Variants in DIP2C observed in about 807,000 individuals in gnomAD.
DIP2C encodes DIP2 acetate--CoA ligase C (putative).
Under a neutral mutation model 192.4 loss-of-function variants are expected in DIP2C, and 33 were observed. The observed-to-expected ratio is 0.17, with a 90% CI of 0.13 to 0.23. The LOEUF (loss-of-function observed/expected upper bound fraction) is 0.23, where lower values mean the gene tolerates loss of function less well. Ranked by LOEUF, DIP2C falls within the 10% of genes least tolerant of loss-of-function variation. DIP2C has a pLI of 1.00. For missense variants in DIP2C, 1,537 were observed against 2,110.1 expected, an observed-to-expected ratio of 0.73 and a Z score of 5.32; for synonymous variants, 979 against 864.1, an observed-to-expected ratio of 1.13 and a Z score of -2.33.
chr10:311,955 C>A (rs1956585537), intron 31 of DIP2C, among the ~76,000 whole-genome samples: 1 of 152,090 alleles, frequency 6.6e-6, no homozygotes, highest in African/African-American at 2.4e-5. Context: ...GTTTCATTTG[C>A]TAAATCTGTT....
chr10:462,740 G>T (rs564036730), intron 3 of DIP2C, among the ~76,000 whole-genome samples: 1 of 152,116 alleles, frequency 6.6e-6, no homozygotes, highest in Admixed American at 6.5e-5. Context: ...ATGTCAGGCC[G>T]ATATCCCTGA....
rs1305368619 is a variant in DIP2C, at chr10:399,162, A to T, written c.1207T>A (p.Cys403Ser). The change falls in exon 10 of 37, where the codon TGC becomes AGC. Residue 403 changes from cysteine (C) to serine (S), a missense_variant. Physicochemically the swap from Cys to Ser is moderately radical, Grantham distance 112 (BLOSUM62 -1). Around this residue, in one of 4 missense-constraint regions of DIP2C, gnomAD observed 677 missense variants for 989.9 expected, o/e 0.68. Coordinates refer to ENST00000280886, the MANE Select transcript of DIP2C (RefSeq NM_014974.3). ...ACGGGGACCACCTCGGCCAGCAGGCAGCCGTAGAAAGCCGCCATGAAGGCA... is the reference window on the plus strand; with the variant it reads ...ACGGGGACCACCTCGGCCAGCAGGCTGCCGTAGAAAGCCGCCATGAAGGCA... ...PAAFMAAFYG[C>S]LLAEVVPVPI... The T allele has an allele frequency of 6.2e-7, 1 of 1,614,028 alleles. No homozygotes were observed. Among genetic ancestry groups the T allele is most frequent in the African/African-American group, 1.3e-5 (1 of 75,062 alleles).
At chr10:593,327 G>A (rs564731279) in intron 1 of DIP2C, among the ~76,000 whole-genome samples, 5 of 152,050 alleles carry the variant, frequency 3.3e-5, no homozygotes, top group African/African-American at 7.2e-5. Flanking sequence ...CTAAGTCCAC[G>A]TTTACCCCAG....
intron 3 of DIP2C, among the ~76,000 whole-genome samples, chr10:447,009 G>T (rs1241117629): frequency 1.3e-5 from 2 of 152,154 alleles, no homozygotes; most frequent in Admixed American, 6.6e-5. Flanking sequence ...AAAAGCTTCG[G>T]CATCTATATG....
At chr10:589,912 C>G (rs1015921633) in intron 1 of DIP2C, among the ~76,000 whole-genome samples, 2 of 152,196 alleles carry the variant, frequency 1.3e-5, no homozygotes, top group African/African-American at 4.8e-5. Flanking sequence ...AATTTCACAA[C>G]AGAATGAAAT....
chr10:486,579 A>G, intron 1 of DIP2C, 49 bp from the exon 2 acceptor site: 3 of 1,495,462 alleles, frequency 2.0e-6, no homozygotes, highest in Middle Eastern at 1.7e-4. Flanking sequence ...TGGATAGAGC[A>G]TTATCATTCA....
At chr10:491,920 G>C (rs1470327532) in intron 1 of DIP2C, among the ~76,000 whole-genome samples, 1 of 152,124 alleles carries the variant, frequency 6.6e-6, no homozygotes, top group Non-Finnish European at 1.5e-5. Flanking sequence ...AGAAAACCAG[G>C]GGCTAGGAAG....
At chr10:664,161 G>C (rs1220303352) in intron 1 of DIP2C, 1 of 152,278 alleles carries the variant, frequency 6.6e-6, no homozygotes, top group African/African-American at 2.4e-5. Flanking sequence ...AAGGGGAAAA[G>C]CCCGGACACA....
At chr10:600,768 G>A (rs184015076) in intron 1 of DIP2C, among the ~76,000 whole-genome samples, 1 of 152,222 alleles carries the variant, frequency 6.6e-6, no homozygotes, top group Non-Finnish European at 1.5e-5. Context: ...GGTTGGAGGA[G>A]TATCGTTGTG....
intron 17 of DIP2C, among the ~76,000 whole-genome samples, chr10:381,194 A>G (rs1047313815): frequency 6.6e-6 from 1 of 152,194 alleles, no homozygotes; most frequent in Non-Finnish European, 1.5e-5. Context: ...GTCCAACTGC[A>G]ATGGCCAATT....
chr10:337,588 T>C (rs527251089), intron 29 of DIP2C, among the ~76,000 whole-genome samples: 1 of 146,076 alleles, frequency 6.8e-6, no homozygotes, highest in East Asian at 2.1e-4. Flanking sequence ...CTGATGTGTG[T>C]GTGTGTGTTC....
At chr10:323,123 C>T (rs376766036) in intron 31 of DIP2C, among the ~76,000 whole-genome samples, 10 of 9,086 alleles carry the variant, frequency 1.1e-3, no homozygotes, top group African/African-American at 2.6e-3. Context: ...GAGACCGGCG[C>T]TGTTAGAACA....
At chr10:309,974 G>A in intron 32 of DIP2C, 57 bp downstream of exon 32, 1 of 1,552,664 alleles carries the variant, frequency 6.4e-7, no homozygotes, top group Non-Finnish European at 8.9e-7. Flanking sequence ...CTGCATGCAA[G>A]GCCGCAGAAC....
intron 9 of DIP2C, among the ~76,000 whole-genome samples, chr10:399,545 TG>T (rs1321454070): frequency 6.6e-6 from 1 of 152,226 alleles, no homozygotes; most frequent in Non-Finnish European, 1.5e-5. Flanking sequence ...AATACTTCCT[TG>T]TATTTCTATA....
chr10:350,911 G>A (rs945624594), intron 24 of DIP2C, among the ~76,000 whole-genome samples: 1 of 152,200 alleles, frequency 6.6e-6, no homozygotes, highest in Non-Finnish European at 1.5e-5. Flanking sequence ...CTCCCAGAGT[G>A]CTGGGATTAC....
At chr10:641,414 G>A (rs192979153) in intron 1 of DIP2C, among the ~76,000 whole-genome samples, 56 of 152,232 alleles carry the variant, frequency 3.7e-4, no homozygotes, top group African/African-American at 1.0e-3. Context: ...CATCCCCTAC[G>A]TTCCTCTGCA....
At chr10:667,857 CAT>C (rs1857197911) in intron 1 of DIP2C, 1 of 152,054 alleles carries the variant, frequency 6.6e-6, no homozygotes, top group Non-Finnish European at 1.5e-5. Context: ...ACACATACAA[CAT>C]ACATGCAACT....
At position 526,234 on chromosome 10, in the gene DIP2C, ACT is replaced by A. The variant is rs369716449; in HGVS notation, c.86-39706_86-39705del. 9.7e-4 allele frequency among the ~76,000 whole-genome samples: 147 copies of A among 152,188 alleles called. 2 individuals are homozygous for A. Among genetic ancestry groups the A allele is most frequent in the African/African-American group, 3.5e-3 (144 of 41,528 alleles). On this transcript the variant is annotated intron_variant, in intron 1 of 36. Transcript: ENST00000280886. ...CAAAGCCCACAGCCGCGTGGTTTCC[ACT>A]CTGAACGTCCAAGTGGCTGTGGGCA...
intron 31 of DIP2C, chr10:325,009 T>TA: frequency 1.9e-6 from 1 of 523,502 alleles, no homozygotes; most frequent in African/African-American, 1.9e-5. Flanking sequence ...CTCATGCCTG[T>TA]AATCCCAGCA....
Sources: allele counts gnomAD v4.1 joint callset (sites outside exome capture counted in the v4.1 genomes callset), GRCh38; gene constraint gnomAD v4.1.1; regional missense constraint gnomAD v4.1.1; transcripts MANE v1.5; gene names NCBI Gene and HGNC (gene_info 2026-07-23, HGNC 2026-07-21).